CACNA2D3: variants seen among roughly 807,000 people sequenced by gnomAD.
CACNA2D3 encodes the protein calcium voltage-gated channel auxiliary subunit alpha2delta 3.
Under a neutral mutation model 160.6 loss-of-function variants are expected in CACNA2D3, and 60 were observed. That is an observed-to-expected ratio of 0.37 (90% confidence interval 0.30 to 0.46). The LOEUF is 0.46. CACNA2D3 is among the 20% of genes least tolerant of loss of function. The probability of loss-of-function intolerance (pLI) is 1.00; values close to 1 mark genes in which losing one functional copy is unlikely to be tolerated. For synonymous variants in CACNA2D3, 558 were observed against 492.9 expected (o/e 1.13, Z -1.75); for missense variants, 1,205 against 1,365.0 (o/e 0.88, Z 1.85).
intron 34 of CACNA2D3, among the ~76,000 whole-genome samples, chr3:55,012,643 A>C (rs573592049): frequency 6.6e-6 from 1 of 152,096 alleles, no homozygotes; most frequent in East Asian, 1.9e-4. Flanking sequence ...GGCTGGAGAC[A>C]TTTTTGCTGT....
At chr3:54,478,127 G>T (rs1012857909) in intron 4 of CACNA2D3, among the ~76,000 whole-genome samples, 1 of 151,992 alleles carries the variant, frequency 6.6e-6, no homozygotes, top group Admixed American at 6.6e-5. Context: ...TATGGCTCAT[G>T]ATACAAGTTT....
chr3:54,769,075 C>G (rs1471364160), intron 13 of CACNA2D3, among the ~76,000 whole-genome samples: 1 of 152,120 alleles, frequency 6.6e-6, no homozygotes, highest in African/African-American at 2.4e-5. Context: ...TTATGTGGAC[C>G]TGGATTCTGC....
intron 2 of CACNA2D3, among the ~76,000 whole-genome samples, chr3:54,130,194 G>A (rs1424351895): frequency 2.6e-5 from 4 of 151,990 alleles, no homozygotes; most frequent in African/African-American, 9.7e-5. Flanking sequence ...CTGTGGGACA[G>A]GCTGTCCTCG....
intron 17 of CACNA2D3, among the ~76,000 whole-genome samples, chr3:54,871,159 T>C (rs1312118415): frequency 6.7e-6 from 1 of 148,350 alleles, no homozygotes; most frequent in African/African-American, 2.5e-5. Context: ...TTACATTGTT[T>C]ACATGTATAC....
At chr3:54,651,374 G>A (rs943251686) in intron 11 of CACNA2D3, among the ~76,000 whole-genome samples, 2 of 150,894 alleles carry the variant, frequency 1.3e-5, no homozygotes, top group African/African-American at 2.4e-5. Context: ...ACTTCAAGAT[G>A]AGTGCGATTT....
intron 11 of CACNA2D3, among the ~76,000 whole-genome samples, chr3:54,736,028 TATATATGTATATATATAC>T (rs1701499642): frequency 1.9e-5 from 1 of 51,478 alleles, no homozygotes. Flanking sequence ...CACATACATA[TATATATGTATATATATAC>T]ACATACATAT....
intron 4 of CACNA2D3, among the ~76,000 whole-genome samples, chr3:54,441,773 A>G (rs1224501168): frequency 1.3e-5 from 2 of 152,198 alleles, no homozygotes; most frequent in African/African-American, 4.8e-5. Context: ...TGTGCCAGGT[A>G]TCATTCATTG....
intron 9 of CACNA2D3, among the ~76,000 whole-genome samples, chr3:54,598,035 A>G (rs907877317): frequency 2.6e-5 from 4 of 151,966 alleles, no homozygotes; most frequent in Non-Finnish European, 5.9e-5. Flanking sequence ...CATGCCTGTA[A>G]TCCCAGCACT....
intron 2 of CACNA2D3, among the ~76,000 whole-genome samples, chr3:54,256,023 A>G (rs73089616): frequency 0.017 from 2,541 of 152,290 alleles, 35 homozygotes; most frequent in Non-Finnish European, 0.028. Context: ...TGGAAATAGG[A>G]AGTCATTGTT....
At chr3:54,522,536 A>G (rs933674208) in intron 5 of CACNA2D3, among the ~76,000 whole-genome samples, 9 of 152,172 alleles carry the variant, frequency 5.9e-5, no homozygotes, top group Non-Finnish European at 8.8e-5. Flanking sequence ...TTATGTTGCT[A>G]TAACAGAATA....
chr3:54,885,368 T>C (rs780081666), intron 22 of CACNA2D3, 42 bp downstream of exon 22: 10 of 1,610,100 alleles, frequency 6.2e-6, no homozygotes, highest in East Asian at 2.2e-5. Flanking sequence ...GCATCCTTCA[T>C]TGCCCTCTTT....
At chr3:54,526,736 G>A (rs886152983) in intron 5 of CACNA2D3, among the ~76,000 whole-genome samples, 1 of 152,132 alleles carries the variant, frequency 6.6e-6, no homozygotes, top group Non-Finnish European at 1.5e-5. Context: ...TGTTGCCCTG[G>A]CTGGAGTTCA....
chr3:54,351,380 C>G (rs1404090617), intron 3 of CACNA2D3, among the ~76,000 whole-genome samples: 1 of 152,048 alleles, frequency 6.6e-6, no homozygotes, highest in Non-Finnish European at 1.5e-5. Context: ...TTTACTGCAT[C>G]TAAGTGTGTT....
intron 11 of CACNA2D3, among the ~76,000 whole-genome samples, chr3:54,663,690 C>T (rs1165079100): frequency 6.6e-6 from 1 of 152,216 alleles, no homozygotes; most frequent in African/African-American, 2.4e-5. Flanking sequence ...GCCTGACTAA[C>T]TCATACCAGC....
chr3:55,053,900 A>G (rs887472040), intron 35 of CACNA2D3, among the ~76,000 whole-genome samples: 1 of 151,894 alleles, frequency 6.6e-6, no homozygotes, highest in Admixed American at 6.6e-5. Flanking sequence ...TAGACCATTT[A>G]TTTTTAATGA....
chr3:54,455,495 C>T (rs922809396), intron 4 of CACNA2D3, among the ~76,000 whole-genome samples: 1 of 151,966 alleles, frequency 6.6e-6, no homozygotes, highest in Non-Finnish European at 1.5e-5. Flanking sequence ...GAGTAGTTTG[C>T]AGATATTTTT....
At chr3:54,805,434 A>G (rs1225680021) in intron 13 of CACNA2D3, among the ~76,000 whole-genome samples, 1 of 152,222 alleles carries the variant, frequency 6.6e-6, no homozygotes, top group Non-Finnish European at 1.5e-5. Flanking sequence ...CTCTATGCAA[A>G]TAAACTAGAA....
chr3:54,987,804 A>C (rs1308813605), intron 31 of CACNA2D3, 51 bp downstream of exon 31: 4 of 1,396,322 alleles, frequency 2.9e-6, no homozygotes, highest in Non-Finnish European at 3.9e-6. Context: ...TCCTAAATAA[A>C]ATAAAACAAG....
intron 12 of CACNA2D3, among the ~76,000 whole-genome samples, chr3:54,754,326 G>A (rs1701930238): frequency 6.6e-6 from 1 of 152,190 alleles, no homozygotes; most frequent in African/African-American, 2.4e-5. Context: ...CACCAACTAT[G>A]TGCAAGTTAC....
Sources: allele counts gnomAD v4.1 joint callset (sites outside exome capture counted in the v4.1 genomes callset), GRCh38; gene constraint gnomAD v4.1.1; transcripts MANE v1.5; gene names NCBI Gene and HGNC (gene_info 2026-07-23, HGNC 2026-07-21).